Variants in PDE8B observed in about 807,000 individuals in gnomAD.
The protein encoded by PDE8B is high affinity cAMP-specific and IBMX-insensitive 3',5'-cyclic phosphodiesterase 8B.
Under a neutral mutation model 101.3 loss-of-function variants are expected in PDE8B, and 26 were observed. The ratio of observed to expected loss-of-function variants is 0.26; its 90% CI spans 0.19 to 0.36. The LOEUF is 0.36. Ranked by LOEUF, PDE8B falls within the 10% of genes least tolerant of loss-of-function variation. The pLI, the probability that PDE8B is intolerant of heterozygous loss-of-function variation, is 1.00. For missense variants in PDE8B, 810 were observed against 1,163.1 expected (o/e 0.70, Z 4.42); for synonymous variants, 424 against 429.3 (o/e 0.99, Z 0.15).
At chr5:77,398,281 C>T (rs1791496199) in intron 10 of PDE8B, among the ~76,000 whole-genome samples, 1 of 149,404 alleles carries the variant, frequency 6.7e-6, no homozygotes. Context: ...AAAAAAAAAC[C>T]TTTTTCCTAA....
chr5:77,122,917 T>C, the PDE8B span, among the ~76,000 whole-genome samples: 1 of 152,202 alleles, frequency 6.6e-6, no homozygotes, highest in Non-Finnish European at 1.5e-5. Flanking sequence ...AAATACACCC[T>C]GGTGTAGGCT....
the PDE8B span, among the ~76,000 whole-genome samples, chr5:77,123,216 G>A: frequency 2.0e-5 from 3 of 152,054 alleles, no homozygotes; most frequent in Admixed American, 6.5e-5. Context: ...GCAGAGTCCC[G>A]AGGTGGTGTA....
intron 10 of PDE8B, among the ~76,000 whole-genome samples, chr5:77,374,682 A>G (rs1785711143): frequency 6.6e-6 from 1 of 152,234 alleles, no homozygotes; most frequent in South Asian, 2.1e-4. Flanking sequence ...CTCATACGTT[A>G]TAAATCCCAT....
rs1428453649 is a variant in PDE8B at position 77,211,467 on chromosome 5, T to C, written c.339+203T>C. Among the ~76,000 whole-genome samples, 1 of 152,180 alleles carries C rather than the reference T, an allele frequency of 6.6e-6. No homozygotes were observed. The highest frequency in any genetic ancestry group is 1.5e-5 in the Non-Finnish European group (1 of 68,040). ...CAGAAAAAGGCCCCTGGAGGGGTCC[T>C]GGAAGCGTCCTTAGCTGGTCCTGGG... On this transcript the variant is annotated intron_variant, in intron 1 of 21. Coordinates refer to ENST00000264917, the MANE Select transcript of PDE8B (RefSeq NM_003719.5). This position sits in a 1 kb window ranked among gnomAD's most constrained non-coding sequence, Gnocchi z 4.1.
chr5:77,162,978 A>G, the PDE8B span, among the ~76,000 whole-genome samples: 1 of 152,242 alleles, frequency 6.6e-6, no homozygotes, highest in Non-Finnish European at 1.5e-5. Flanking sequence ...AGGACTAAAC[A>G]TACTTGACTT....
At chr5:77,374,189 A>G (rs1785621607) in intron 10 of PDE8B, among the ~76,000 whole-genome samples, 1 of 152,102 alleles carries the variant, frequency 6.6e-6, no homozygotes, top group African/African-American at 2.4e-5. Flanking sequence ...TGATAGTAAT[A>G]TAGCCATTCC....
chr5:77,404,621 C>A (rs1242240656), intron 11 of PDE8B, 99 bp from the exon 12 acceptor site: 2 of 765,208 alleles, frequency 2.6e-6, no homozygotes, highest in East Asian at 5.0e-5. Flanking sequence ...TAAAAAGTAA[C>A]CTTGTTTTCT....
intron 1 of PDE8B, among the ~76,000 whole-genome samples, chr5:77,237,949 G>C (rs867242786): frequency 6.6e-6 from 1 of 152,170 alleles, no homozygotes; most frequent in South Asian, 2.1e-4. Context: ...TTTCTGGTGA[G>C]AAACCTTTAG....
intron 1 of PDE8B, among the ~76,000 whole-genome samples, chr5:77,311,086 G>A (rs1290503929): frequency 2.0e-5 from 3 of 152,152 alleles, no homozygotes; most frequent in Admixed American, 1.3e-4. Context: ...CTGACAAGGG[G>A]CCAGTACAGA....
chr5:77,290,228 CAGCA>C lies in PDE8B; in HGVS notation c.340-21762_340-21759del, dbSNP rs1305541360. 3 of 1,545,120 alleles carry C rather than the reference CAGCA, an allele frequency of 1.9e-6. No homozygotes were observed. The East Asian group carries it at 7.3e-5, about 38-fold the overall frequency. The stretch of plus-strand genomic sequence containing the variant: ...CACTGTGTGTGCACGCTGCAAAGAC[CAGCA>C]AGCTCCTTGGACCTTGGAGCAGGCC... On this transcript the variant is annotated intron_variant, in intron 1 of 21. Coordinates refer to ENST00000264917, the MANE Select transcript of PDE8B (RefSeq NM_003719.5).
chr5:77,405,677 G>A (rs1793279343), intron 12 of PDE8B, among the ~76,000 whole-genome samples: 1 of 152,186 alleles, frequency 6.6e-6, no homozygotes. Context: ...AAAGAGGACA[G>A]AAGAGCTGGG....
intron 1 of PDE8B, among the ~76,000 whole-genome samples, chr5:77,227,848 G>C (rs1053884552): frequency 6.6e-6 from 1 of 152,188 alleles, no homozygotes; most frequent in African/African-American, 2.4e-5. Context: ...TAGGATGGTT[G>C]CTTCCCTAGG....
chr5:77,376,606 G>C (rs1786180569), intron 10 of PDE8B, among the ~76,000 whole-genome samples: 1 of 152,172 alleles, frequency 6.6e-6, no homozygotes, highest in African/African-American at 2.4e-5. Flanking sequence ...AATTAGAGAT[G>C]CCCTTTTTTC....
At chr5:77,184,335 C>A in the PDE8B span, among the ~76,000 whole-genome samples, 1 of 152,266 alleles carries the variant, frequency 6.6e-6, no homozygotes, top group South Asian at 2.1e-4. Context: ...GATTTGGGGT[C>A]CAATTCTTCC....
At chr5:77,294,736 A>G (rs1389585811) in intron 1 of PDE8B, among the ~76,000 whole-genome samples, 1 of 151,280 alleles carries the variant, frequency 6.6e-6, no homozygotes, top group Non-Finnish European at 1.5e-5. Flanking sequence ...AGCACTGTAT[A>G]GAAATTGGAA....
chr5:77,134,790 T>C, the PDE8B span, among the ~76,000 whole-genome samples: 1 of 152,076 alleles, frequency 6.6e-6, no homozygotes, highest in Non-Finnish European at 1.5e-5. Flanking sequence ...AAGATGACTA[T>C]GGGTTGCGAT....
intron 10 of PDE8B, among the ~76,000 whole-genome samples, 196 bp from the exon 11 acceptor site, chr5:77,400,052 A>G (rs1215467972): frequency 6.6e-6 from 1 of 152,208 alleles, no homozygotes; most frequent in African/African-American, 2.4e-5. Flanking sequence ...CAGCCATTCT[A>G]TAAGTGTCTG....
At chr5:77,376,790 C>A (rs751411106) in intron 10 of PDE8B, among the ~76,000 whole-genome samples, 9 of 152,152 alleles carry the variant, frequency 5.9e-5, no homozygotes, top group Non-Finnish European at 7.3e-5. Context: ...TTACTAAGCT[C>A]TGGGCCTGAG....
At chr5:77,361,954 T>G (rs1426529183) in intron 10 of PDE8B, among the ~76,000 whole-genome samples, 1 of 152,220 alleles carries the variant, frequency 6.6e-6, no homozygotes, top group African/African-American at 2.4e-5. Context: ...GGGAATCCAT[T>G]GGCTATATAG....
Sources: allele counts gnomAD v4.1 joint callset (sites outside exome capture counted in the v4.1 genomes callset), GRCh38; gene constraint gnomAD v4.1.1; non-coding constraint Gnocchi (gnomAD v3.1); transcripts MANE v1.5; gene names NCBI Gene and HGNC (gene_info 2026-07-23, HGNC 2026-07-21).